ST14: variants seen among roughly 807,000 people sequenced by gnomAD.
ST14 encodes the protein suppressor of tumorigenicity 14 protein.
A neutral mutation model predicts 96.5 loss-of-function variants in ST14; 40 were observed. That is an observed-to-expected ratio of 0.41 (90% CI 0.32 to 0.54). The LOEUF (loss-of-function observed/expected upper bound fraction) is 0.54. ST14 is among the 20% of genes least tolerant of loss of function. ST14 has a pLI of 0.17. For missense variants in ST14, 1,066 were observed against 1,188.9 expected (o/e 0.90, Z 1.52); for synonymous variants, 506 against 492.1 (o/e 1.03, Z -0.37).
intron 1 of ST14, among the ~76,000 whole-genome samples, chr11:130,183,400 A>G (rs1231728357): frequency 6.6e-6 from 1 of 152,258 alleles, no homozygotes; most frequent in Non-Finnish European, 1.5e-5. Flanking sequence ...GCGAAGTTCC[A>G]AAGATAACAT....
At chr11:130,189,689 G>C (rs574932877) in intron 4 of ST14, 50 bp from the exon 5 acceptor site, 4 of 1,601,262 alleles carry the variant, frequency 2.5e-6, no homozygotes, top group Non-Finnish European at 3.4e-6. Context: ...GGGCGCACGT[G>C]GGGGAAATGG....
At position 130,200,282 on chromosome 11, in the gene ST14, C is replaced by G. The variant is rs531993509; in HGVS notation, c.1994+145C>G. 3 of 929,388 alleles carry G rather than the reference C, an allele frequency of 3.2e-6. No homozygotes were observed. In the African/African-American group the frequency reaches 5.0e-5, roughly 15 times the overall value. The allele number at this position is 929,388 out of a possible 1,614,324, so 57.6% of individuals were successfully genotyped here. Reference sequence around the variant, plus strand: ...TTCTTGAGTTGCTCTAAAGAAATACCTGAGACTGGGTCATTTATAAAGAAA... The same window carrying G: ...TTCTTGAGTTGCTCTAAAGAAATACGTGAGACTGGGTCATTTATAAAGAAA... On this transcript the variant is annotated intron_variant, in intron 16 of 18. Transcript: ENST00000278742.
intron 1 of ST14, among the ~76,000 whole-genome samples, chr11:130,166,666 G>A (rs1249804848): frequency 1.3e-5 from 2 of 152,124 alleles, no homozygotes; most frequent in Non-Finnish European, 2.9e-5. Flanking sequence ...GAATGCATCC[G>A]TCTGGGTCAG....
In ST14 at chr11:130,208,483, C is replaced by G; in HGVS notation, c.2068C>G (p.Gln690Glu). 1 of 1,614,228 alleles carries G rather than the reference C, an allele frequency of 6.2e-7. No individual in the cohort carries two copies. The highest frequency in any genetic ancestry group is 8.5e-7 in the Non-Finnish European group (1 of 1,180,044). ...GAGCCAGCGCAGCGCCCCTGGGGTG[C>G]AGGAGCGCAGGCTCAAGCGCATCAT... is the stretch of plus-strand genomic sequence containing the variant. Reference protein sequence around the residue: ...DQSQRSAPGVQERRLKRIISH... With the variant: ...DQSQRSAPGVEERRLKRIISH... The change falls in exon 17 of 19, where the codon CAG becomes GAG. Residue 690 changes from glutamine (Q) to glutamate (E), a missense_variant. Transcript: ENST00000278742.
intron 12 of ST14, 120 bp downstream of exon 12, chr11:130,198,065 C>A: frequency 3.6e-6 from 4 of 1,105,080 alleles, no homozygotes; most frequent in South Asian, 1.4e-5. Flanking sequence ...TTTTTGCTCT[C>A]GGCCCTGTGT....
At position 130,208,574 on chromosome 11, in the gene ST14, C is replaced by T; in HGVS notation, c.2159C>T (p.Pro720Leu). 1 of 1,614,204 alleles carries T rather than the reference C, an allele frequency of 6.2e-7. No homozygotes were observed. Among genetic ancestry groups the T allele is most frequent in the Non-Finnish European group, 8.5e-7 (1 of 1,180,020 alleles). ...YDIALLELEK[P>L]AEYSSMVRPI... The stretch of plus-strand genomic sequence containing the variant: ...ATCGCGCTGCTGGAGCTGGAGAAAC[C>T]GGCAGAGTACAGCTCCATGGTGCGG... Residue 720 changes from proline to leucine, a missense_variant, in exon 17 of 19, where the codon CCG becomes CTG. Physicochemically the swap from Pro to Leu is moderately conservative, Grantham distance 98. Transcript: ENST00000278742.
rs1292731219 is a variant in ST14, at chr11:130,188,544, G to A, written c.256G>A (p.Val86Ile). 1.9e-6 allele frequency: 3 copies of A among 1,614,154 alleles called. No homozygotes were observed. Among genetic ancestry groups the A allele is most frequent in the Non-Finnish European group, 2.5e-6 (3 of 1,180,040 alleles). ...VWHLQYRDVRVQKVFNGYMRI... is the reference protein window; with the variant it reads ...VWHLQYRDVRIQKVFNGYMRI... ...GTCTCACACAGACCGGGACGTGCGT[G>A]TCCAGAAGGTCTTCAATGGCTACAT... The change falls in exon 3 of 19, where the codon GTC (valine) becomes ATC (isoleucine). Residue 86 changes from valine to isoleucine, a missense_variant. Val to Ile is a conservative substitution (Grantham distance 29). Transcript: ENST00000278742. This position sits in a 1 kb window ranked among gnomAD's most constrained non-coding sequence, Gnocchi z 5.4.
chr11:130,185,020 A>G (rs1175113859), intron 1 of ST14, among the ~76,000 whole-genome samples: 1 of 152,246 alleles, frequency 6.6e-6, no homozygotes, highest in Non-Finnish European at 1.5e-5. Flanking sequence ...AGGCATGCAC[A>G]CAGAGCTTCC....
chr11:130,189,001 TAC>T (rs1273082340), intron 4 of ST14, 62 bp downstream of exon 4: 1 of 1,536,284 alleles, frequency 6.5e-7, no homozygotes, highest in African/African-American at 1.4e-5. Flanking sequence ...AGGATCGGGG[TAC>T]AGTGTGTGGG....
chr11:130,194,081 C>T, intron 7 of ST14, 68 bp from the exon 8 acceptor site: 1 of 1,611,110 alleles, frequency 6.2e-7, no homozygotes, highest in Non-Finnish European at 8.5e-7. Context: ...GCCTGAGAGC[C>T]TGGTTTGGGT....
intron 16 of ST14, among the ~76,000 whole-genome samples, chr11:130,207,138 C>T (rs1211368573): frequency 3.9e-5 from 6 of 152,128 alleles, no homozygotes; most frequent in Non-Finnish European, 7.4e-5. Flanking sequence ...CCCATTAAGC[C>T]CCAGATCCGA....
chr11:130,196,497 G>C (rs1953366012), intron 10 of ST14, 49 bp downstream of exon 10: 17 of 1,582,732 alleles, frequency 1.1e-5, no homozygotes, highest in Non-Finnish European at 1.4e-5. Flanking sequence ...TGCAGGGGGA[G>C]GGGTCCCACC....
At chr11:130,162,330 G>A (rs909771774) in intron 1 of ST14, among the ~76,000 whole-genome samples, 6 of 152,298 alleles carry the variant, frequency 3.9e-5, no homozygotes, top group African/African-American at 1.4e-4. Context: ...GGAAACAGAT[G>A]CCACTTCTTA....
intron 16 of ST14, among the ~76,000 whole-genome samples, chr11:130,205,943 C>T (rs547379931): frequency 2.6e-5 from 4 of 152,116 alleles, no homozygotes; most frequent in East Asian, 3.9e-4. Flanking sequence ...GTGATCCTCT[C>T]GCCTGGGGCT....
rs1953365483 is a variant in ST14, at chr11:130,196,464, T to C, written c.1223+16T>C. 6.2e-7 allele frequency: 1 copy of C among 1,600,086 alleles called. No individual in the cohort carries two copies. Reference sequence around the variant, plus strand: ...ACGGGGAGAAGTGAGTCCCCGGGGGTATGGGGGCTGCCGGGCCCATGCTGC... The same window carrying C: ...ACGGGGAGAAGTGAGTCCCCGGGGGCATGGGGGCTGCCGGGCCCATGCTGC... On this transcript the variant is annotated intron_variant, in intron 10 of 18. Transcript: ENST00000278742.
chr11:130,193,689 C>T (rs1037654686), intron 7 of ST14, among the ~76,000 whole-genome samples: 1 of 152,134 alleles, frequency 6.6e-6, no homozygotes, highest in Non-Finnish European at 1.5e-5. Context: ...AGGCCGGTCT[C>T]GAACTCCTGA....
At chr11:130,176,419 C>G (rs544542828) in intron 1 of ST14, among the ~76,000 whole-genome samples, 1 of 150,688 alleles carries the variant, frequency 6.6e-6, no homozygotes, top group East Asian at 1.9e-4. Flanking sequence ...GACAGAGTCT[C>G]GCTGTGTTGC....
chr11:130,196,510 AC>A (rs1953366187), intron 10 of ST14, 59 bp from the exon 11 acceptor site: 1 of 1,568,022 alleles, frequency 6.4e-7, no homozygotes, highest in Non-Finnish European at 8.8e-7. Flanking sequence ...GTCCCACCAG[AC>A]CCCCAGCCCC....
chr11:130,203,860 G>A (rs989497057), intron 16 of ST14, among the ~76,000 whole-genome samples: 1 of 152,158 alleles, frequency 6.6e-6, no homozygotes, highest in Non-Finnish European at 1.5e-5. Flanking sequence ...CACCATGTTA[G>A]CCAGGCTGGT....
Sources: gnomAD v4.1 joint callset for allele counts (sites outside exome capture counted in the v4.1 genomes callset) on GRCh38, gnomAD v4.1.1 for gene constraint, Gnocchi (gnomAD v3.1) non-coding constraint, MANE v1.5 for transcripts, NCBI Gene and HGNC (gene_info 2026-07-23, HGNC 2026-07-21) for gene names.